CDH8: variants seen among roughly 807,000 people sequenced by gnomAD.
CDH8 encodes cadherin 8.
In CDH8, 17 loss-of-function variants were observed where a neutral mutation model predicts 68.1. The ratio of observed to expected loss-of-function variants is 0.25; its 90% CI spans 0.17 to 0.37. The LOEUF (loss-of-function observed/expected upper bound fraction) is 0.37, where lower values mean the gene tolerates loss of function less well. Ranked by LOEUF, CDH8 falls within the 10% of genes least tolerant of loss-of-function variation. The pLI is 1.00. For missense variants in CDH8, 763 were observed against 999.3 expected (o/e 0.76, Z 3.19); for synonymous variants, 372 against 365.1 (o/e 1.02, Z -0.21).
Position 61,652,793 on chromosome 16 carries a change from G to A in CDH8, c.*815C>T, listed in dbSNP as rs574699097. Reference sequence around the variant, plus strand: ...GAGGATTAAACAAATAAATTCACGCGCTAGCAATAAAACCATCTGTCTCTT... The same window carrying A: ...GAGGATTAAACAAATAAATTCACGCACTAGCAATAAAACCATCTGTCTCTT... On this transcript the variant is annotated 3_prime_UTR_variant, in exon 12 of 12. Coordinates refer to ENST00000577390, the MANE Select transcript of CDH8 (RefSeq NM_001796.5). 72 of 1,344,296 alleles carry A rather than the reference G, an allele frequency of 5.4e-5. No homozygotes were observed. The Admixed American group carries it at 7.0e-4, about 13-fold the overall frequency. 83.3% of individuals were successfully genotyped at this position (1,344,296 alleles called of 1,614,324 possible).
At chr16:61,802,149 TCCCTGAC>T (rs1194864516) in intron 7 of CDH8, among the ~76,000 whole-genome samples, 2 of 125,916 alleles carry the variant, frequency 1.6e-5, no homozygotes, top group African/African-American at 6.7e-5. Context: ...CTCAAGTGGG[TCCCTGAC>T]CCCTGACCCC....
chr16:61,909,741 T>G (rs143834366), intron 2 of CDH8, among the ~76,000 whole-genome samples: 1,593 of 152,294 alleles, frequency 0.01, 10 homozygotes, highest in Non-Finnish European at 0.016. Context: ...TGAAACCACA[T>G]GGTCTAGGCA....
chr16:62,023,298 C>T (rs1902117957), intron 1 of CDH8, among the ~76,000 whole-genome samples: 1 of 152,102 alleles, frequency 6.6e-6, no homozygotes, highest in African/African-American at 2.4e-5. Flanking sequence ...GGTGATAAGG[C>T]ATCTTGTGTG....
intron 10 of CDH8, among the ~76,000 whole-genome samples, chr16:61,669,875 T>C (rs1213018273): frequency 6.6e-6 from 1 of 152,088 alleles, no homozygotes; most frequent in Admixed American, 6.6e-5. Context: ...CATTTTCTCG[T>C]TAGCGTTTTT....
chr16:61,673,783 A>T (rs1383677480), intron 10 of CDH8, among the ~76,000 whole-genome samples: 1 of 152,150 alleles, frequency 6.6e-6, no homozygotes, highest in Non-Finnish European at 1.5e-5. Context: ...ACAGAGGATG[A>T]CAGTCTTGCT....
chr16:61,692,098 T>C (rs1307751559), intron 10 of CDH8: 2 of 152,140 alleles, frequency 1.3e-5, no homozygotes, highest in Non-Finnish European at 2.9e-5. Flanking sequence ...CTAGAACAAC[T>C]GGCATGAACG....
In CDH8 at chr16:61,647,540, C is replaced by T. The variant is rs1249110007; in HGVS notation, c.*6068G>A. On this transcript the variant is annotated 3_prime_UTR_variant, in exon 12 of 12. Coordinates refer to ENST00000577390, the MANE Select transcript of CDH8 (RefSeq NM_001796.5). Reference sequence around the variant, plus strand: ...AGAGCATAATTGTTAAAATCTTCCTCTTATTTGTGAGGGATCATAGGATGG... The same window carrying T: ...AGAGCATAATTGTTAAAATCTTCCTTTTATTTGTGAGGGATCATAGGATGG... The T allele has an allele frequency of 4.7e-6, 2 of 423,946 alleles. No individual in the cohort carries two copies. The highest frequency in any genetic ancestry group is 8.4e-6 in the Non-Finnish European group (2 of 238,234). The allele number at this position is 423,946 out of a possible 1,614,324, so 26.3% of individuals were successfully genotyped here. A position where few individuals can be genotyped will look rare whatever the true frequency, so the allele number is the denominator to read the frequency against.
At chr16:61,838,093 C>G (rs565930792) in intron 4 of CDH8, among the ~76,000 whole-genome samples, 53 of 119,328 alleles carry the variant, frequency 4.4e-4, no homozygotes, top group Non-Finnish European at 7.5e-4. Flanking sequence ...AGTGTTTTTC[C>G]AAAGATTAAG....
At chr16:61,722,402 T>C (rs1208541264) in intron 9 of CDH8, among the ~76,000 whole-genome samples, 1 of 150,936 alleles carries the variant, frequency 6.6e-6, no homozygotes, top group Non-Finnish European at 1.5e-5. Context: ...GTTTTCAAAA[T>C]TTTAAATTAT....
At chr16:61,826,878 C>T (rs927003376) in intron 4 of CDH8, among the ~76,000 whole-genome samples, 10 of 151,754 alleles carry the variant, frequency 6.6e-5, no homozygotes, top group African/African-American at 2.4e-4. Flanking sequence ...AATTAGATAA[C>T]CTTGCTTATT....
intron 3 of CDH8, among the ~76,000 whole-genome samples, chr16:61,868,901 G>T (rs73564387): frequency 1.3e-3 from 191 of 152,230 alleles, no homozygotes; most frequent in African/African-American, 4.3e-3. Flanking sequence ...AATGATTAAG[G>T]TTGTGCCAAT....
chr16:61,880,743 G>C (rs987197249), intron 3 of CDH8, among the ~76,000 whole-genome samples: 2 of 152,282 alleles, frequency 1.3e-5, no homozygotes, highest in African/African-American at 4.8e-5. Flanking sequence ...GGAACCAGAG[G>C]TGAGTGGATC....
At position 61,648,740 on chromosome 16, in the gene CDH8, TGATA is replaced by T. The variant is rs1460643325; in HGVS notation, c.*4864_*4867del. ...CAACCATGTAGCTTAATTTCTGTAC[TGATA>T]GATACTCAATAAATGTGACAGACAA... is the stretch of plus-strand genomic sequence containing the variant. On this transcript the variant is annotated 3_prime_UTR_variant, in exon 12 of 12. Coordinates refer to ENST00000577390, the MANE Select transcript of CDH8 (RefSeq NM_001796.5). 2 of 151,984 alleles carry T rather than the reference TGATA, an allele frequency of 1.3e-5. No homozygotes were observed. The highest frequency in any genetic ancestry group is 2.4e-5 in the African/African-American group (1 of 41,428). The allele number at this position is 151,984 out of a possible 1,614,324, so 9.4% of individuals were successfully genotyped here.
intron 4 of CDH8, among the ~76,000 whole-genome samples, chr16:61,827,220 A>G (rs981532425): frequency 2.0e-5 from 3 of 151,894 alleles, no homozygotes; most frequent in African/African-American, 7.2e-5. Context: ...AAAGATTGAA[A>G]ACATTGTTTT....
At chr16:61,801,772 G>A (rs900739005) in intron 7 of CDH8, among the ~76,000 whole-genome samples, 8 of 152,230 alleles carry the variant, frequency 5.3e-5, no homozygotes, top group Non-Finnish European at 1.0e-4. Flanking sequence ...TTAAAAAGCG[G>A]CGAACCATGA....
chr16:61,811,798 C>T (rs997905127), intron 7 of CDH8, among the ~76,000 whole-genome samples: 2 of 152,014 alleles, frequency 1.3e-5, no homozygotes, highest in African/African-American at 4.8e-5. Context: ...AATCCAGTCA[C>T]GAAAGGACAA....
chr16:61,730,269 T>C (rs1761479305), intron 8 of CDH8, among the ~76,000 whole-genome samples: 1 of 151,460 alleles, frequency 6.6e-6, no homozygotes, highest in South Asian at 2.1e-4. Flanking sequence ...ATATGTCATA[T>C]ATGGGACAAA....
chr16:61,710,762 G>A (rs1209230524), intron 10 of CDH8: 4 of 147,860 alleles, frequency 2.7e-5, no homozygotes, highest in Admixed American at 6.6e-5. Context: ...TACCTACAGT[G>A]TTCAGGCTGA....
At chr16:61,726,074 A>G (rs1959356658) in intron 9 of CDH8, 1 of 150,778 alleles carries the variant, frequency 6.6e-6, no homozygotes, top group African/African-American at 2.4e-5. Flanking sequence ...CTTTAGGGGG[A>G]AAAAATCTGA....
Sources: gnomAD v4.1 joint callset for allele counts (sites outside exome capture counted in the v4.1 genomes callset) on GRCh38, gnomAD v4.1.1 for gene constraint, MANE v1.5 for transcripts, NCBI Gene and HGNC (gene_info 2026-07-23, HGNC 2026-07-21) for gene names.